CCDC178: variants seen among roughly 807,000 people sequenced by gnomAD.
CCDC178 encodes coiled-coil domain containing 178.
Under a neutral mutation model 117.4 loss-of-function variants are expected in CCDC178, and 126 were observed. The observed-to-expected ratio is 1.07, with a 90% CI of 0.93 to 1.24. The LOEUF (loss-of-function observed/expected upper bound fraction) is 1.24, where lower values mean the gene tolerates loss of function less well. Among genes scored for constraint, CCDC178 ranks in the 50% most tolerant of loss-of-function variants. The pLI, the probability that CCDC178 is intolerant of heterozygous loss-of-function variation, is 0.00. For synonymous variants in CCDC178, 283 were observed against 313.4 expected (o/e 0.90, Z 1.02); for missense variants, 1,030 against 986.9 (o/e 1.04, Z -0.59).
chr18:33,376,120 A>AT (rs2063362281), intron 5 of CCDC178, among the ~76,000 whole-genome samples: 1 of 152,066 alleles, frequency 6.6e-6, no homozygotes, highest in Admixed American at 6.6e-5. Context: ...CACTCCTGAG[A>AT]TTTTATCTGG....
At chr18:33,201,883 A>T (rs186956850) in intron 20 of CCDC178, among the ~76,000 whole-genome samples, 4 of 152,316 alleles carry the variant, frequency 2.6e-5, no homozygotes, top group Admixed American at 6.5e-5. Flanking sequence ...CCGGTTTACC[A>T]AACTGAATAG....
At chr18:33,038,144 C>T (rs545501345) in intron 21 of CCDC178, among the ~76,000 whole-genome samples, 2 of 151,950 alleles carry the variant, frequency 1.3e-5, no homozygotes, top group South Asian at 2.1e-4. Flanking sequence ...GAGCAAACTA[C>T]TATAGACATT....
At position 33,431,465 on chromosome 18, in the gene CCDC178, T is replaced by C. The variant is rs566847044; in HGVS notation, c.-23+8497A>G. On this transcript the variant is annotated intron_variant, in intron 2 of 22. Transcript: ENST00000383096. Reference sequence around the variant, plus strand: ...TTATTTGGATACCACTATCATACTTTTTGTTATTTTTGCTTACTCTTTGTA... The same window carrying C: ...TTATTTGGATACCACTATCATACTTCTTGTTATTTTTGCTTACTCTTTGTA... 2.6e-5 allele frequency among the ~76,000 whole-genome samples: 4 copies of C among 152,314 alleles called. No individual in the cohort carries two copies. The East Asian group carries it at 5.8e-4, about 22-fold the overall frequency.
chr18:33,162,073 A>G (rs911528547), intron 20 of CCDC178, among the ~76,000 whole-genome samples: 2 of 152,208 alleles, frequency 1.3e-5, no homozygotes, highest in Non-Finnish European at 2.9e-5. Flanking sequence ...TCAGCAAACT[A>G]TCGCAAGGAC....
At chr18:33,035,328 C>T (rs1418416027) in intron 21 of CCDC178, among the ~76,000 whole-genome samples, 1 of 151,556 alleles carries the variant, frequency 6.6e-6, no homozygotes, top group East Asian at 1.9e-4. Flanking sequence ...TTTGGCCAAA[C>T]AGAAGGGAGA....
intron 21 of CCDC178, among the ~76,000 whole-genome samples, chr18:33,014,583 C>A (rs2055939755): frequency 1.3e-5 from 2 of 152,130 alleles, no homozygotes; most frequent in Admixed American, 6.5e-5. Flanking sequence ...TCTAGAGGAC[C>A]TGTATAAGCA....
chr18:32,987,906 T>C (rs990589485), intron 21 of CCDC178, among the ~76,000 whole-genome samples: 1 of 150,532 alleles, frequency 6.6e-6, no homozygotes, highest in Non-Finnish European at 1.5e-5. Context: ...GAGACCAGCC[T>C]GGACAACATA....
intron 12 of CCDC178, 118 bp downstream of exon 12, chr18:33,293,041 C>T (rs1274676019): frequency 2.2e-5 from 14 of 627,184 alleles, no homozygotes; most frequent in South Asian, 9.1e-5. Context: ...CTAATACAGG[C>T]AAATTGGCTA....
chr18:33,267,357 T>A, intron 12 of CCDC178, 60 bp from the exon 13 acceptor site: 1 of 932,874 alleles, frequency 1.1e-6, no homozygotes, highest in Non-Finnish European at 1.6e-6. Context: ...TTCCATAAGG[T>A]AAAAAATAAA....
intron 21 of CCDC178, among the ~76,000 whole-genome samples, chr18:33,076,407 T>C (rs2057208727): frequency 6.6e-6 from 1 of 152,220 alleles, no homozygotes; most frequent in African/African-American, 2.4e-5. Context: ...GCTTCCAATA[T>C]AGGAGGATAT....
chr18:33,042,720 G>T (rs2056571998), intron 21 of CCDC178, among the ~76,000 whole-genome samples: 1 of 151,934 alleles, frequency 6.6e-6, no homozygotes, highest in South Asian at 2.1e-4. Flanking sequence ...GAAAAATTAT[G>T]ACAGTTGCAA....
chr18:33,321,238 T>C (rs897767008), intron 11 of CCDC178, among the ~76,000 whole-genome samples: 2 of 152,072 alleles, frequency 1.3e-5, no homozygotes, highest in Non-Finnish European at 2.9e-5. Flanking sequence ...AATTGACAAA[T>C]GGGATGTAAT....
At chr18:33,035,727 T>C (rs2056430889) in intron 21 of CCDC178, among the ~76,000 whole-genome samples, 1 of 152,012 alleles carries the variant, frequency 6.6e-6, no homozygotes. Context: ...GTTAATTTGA[T>C]TGTGGTAATC....
At chr18:33,395,441 C>T (rs1041011737) in intron 4 of CCDC178, among the ~76,000 whole-genome samples, 1 of 151,822 alleles carries the variant, frequency 6.6e-6, no homozygotes, top group Admixed American at 6.6e-5. Context: ...AATAACCACC[C>T]CAATGACCTC....
intron 5 of CCDC178, among the ~76,000 whole-genome samples, chr18:33,382,405 A>G (rs1167784968): frequency 5.3e-5 from 8 of 152,208 alleles, no homozygotes; most frequent in Non-Finnish European, 8.8e-5. Context: ...ATGGCTGAAT[A>G]GAAACAGCCA....
intron 11 of CCDC178, among the ~76,000 whole-genome samples, chr18:33,303,025 T>A (rs987699183): frequency 1.3e-5 from 2 of 152,164 alleles, no homozygotes; most frequent in African/African-American, 4.8e-5. Flanking sequence ...GTTCCCAACA[T>A]GAGAAACAGT....
intron 2 of CCDC178, among the ~76,000 whole-genome samples, chr18:33,431,074 CAA>C (rs368036930): frequency 4.5e-5 from 3 of 66,398 alleles, no homozygotes; most frequent in Admixed American, 3.1e-4. Context: ...GACTACGTCT[CAA>C]AAAAAAAAAA....
intron 21 of CCDC178, among the ~76,000 whole-genome samples, chr18:33,003,733 G>C (rs1280237623): frequency 6.6e-6 from 1 of 152,066 alleles, no homozygotes; most frequent in Non-Finnish European, 1.5e-5. Flanking sequence ...AAAGGAAGAA[G>C]TGAATTGTTC....
chr18:33,120,472 C>T (rs1446778140), intron 20 of CCDC178, among the ~76,000 whole-genome samples: 1 of 152,020 alleles, frequency 6.6e-6, no homozygotes. Context: ...AAAGAAAAAC[C>T]ATAAGAATGC....
Sources: gnomAD v4.1 joint callset for allele counts (sites outside exome capture counted in the v4.1 genomes callset) on GRCh38, gnomAD v4.1.1 for gene constraint, MANE v1.5 for transcripts, NCBI Gene and HGNC (gene_info 2026-07-23, HGNC 2026-07-21) for gene names.